TMEM131L: variants seen among roughly 807,000 people sequenced by gnomAD.
TMEM131L encodes the protein transmembrane 131 like.
A neutral mutation model predicts 192.2 loss-of-function variants in TMEM131L; 54 were observed. The observed-to-expected ratio is 0.28, with a 90% CI of 0.23 to 0.35. The LOEUF (loss-of-function observed/expected upper bound fraction) is 0.35. Ranked by LOEUF, TMEM131L falls within the 10% of genes least tolerant of loss-of-function variation. The pLI, the probability that TMEM131L is intolerant of heterozygous loss-of-function variation, is 1.00. For synonymous variants in TMEM131L, 701 were observed against 704.9 expected (o/e 0.99, Z 0.09); for missense variants, 1,888 against 1,972.9 (o/e 0.96, Z 0.82).
chr4:153,574,267 A>G (rs990918430), intron 7 of TMEM131L, among the ~76,000 whole-genome samples: 5 of 152,224 alleles, frequency 3.3e-5, no homozygotes, highest in Admixed American at 3.3e-4. Context: ...GTCTGGCAGT[A>G]TAGTTAGATT....
At chr4:153,558,156 A>G (rs1425253400) in intron 6 of TMEM131L, 102 bp from the exon 7 acceptor site, 2 of 585,446 alleles carry the variant, frequency 3.4e-6, no homozygotes, top group Non-Finnish European at 3.2e-6. Context: ...CTTGAAGGCC[A>G]TGCTGATGAA....
chr4:153,597,306 C>T (rs567414711), intron 20 of TMEM131L, among the ~76,000 whole-genome samples: 7 of 149,392 alleles, frequency 4.7e-5, no homozygotes, highest in East Asian at 1.9e-4. Flanking sequence ...TCATTTAAAC[C>T]GACTCTTCTT....
intron 5 of TMEM131L, among the ~76,000 whole-genome samples, chr4:153,556,499 G>A (rs1252538454): frequency 7.5e-6 from 1 of 133,906 alleles, no homozygotes; most frequent in Non-Finnish European, 1.5e-5. Flanking sequence ...ATGTCTGCCT[G>A]ATATTATGTA....
intron 3 of TMEM131L, among the ~76,000 whole-genome samples, chr4:153,502,405 A>G (rs997200539): frequency 2.0e-5 from 3 of 152,186 alleles, no homozygotes; most frequent in Admixed American, 1.3e-4. Context: ...GGCAGCTAGC[A>G]TTCTCTTTGT....
At chr4:153,512,939 T>A (rs1734460097) in intron 3 of TMEM131L, among the ~76,000 whole-genome samples, 1 of 152,246 alleles carries the variant, frequency 6.6e-6, no homozygotes, top group Admixed American at 6.5e-5. Context: ...TTATTTTACA[T>A]GTGCAGGCTA....
intron 7 of TMEM131L, among the ~76,000 whole-genome samples, chr4:153,576,262 A>G (rs927755282): frequency 2.6e-5 from 4 of 152,100 alleles, no homozygotes; most frequent in African/African-American, 7.2e-5. Flanking sequence ...GCCCGGCCCA[A>G]TTGTTTTGTT....
At chr4:153,538,421 G>T (rs1187596490) in intron 3 of TMEM131L, among the ~76,000 whole-genome samples, 1 of 152,168 alleles carries the variant, frequency 6.6e-6, no homozygotes, top group Non-Finnish European at 1.5e-5. Flanking sequence ...GCCACCCTAG[G>T]CCCCCACCAG....
intron 25 of TMEM131L, among the ~76,000 whole-genome samples, chr4:153,605,230 A>G (rs528936269): frequency 6.6e-6 from 1 of 152,270 alleles, no homozygotes; most frequent in African/African-American, 2.4e-5. Flanking sequence ...GACTAGGAGG[A>G]TGACCTCCAT....
intron 7 of TMEM131L, among the ~76,000 whole-genome samples, chr4:153,562,224 G>C (rs931077554): frequency 2.0e-5 from 3 of 151,960 alleles, no homozygotes; most frequent in Non-Finnish European, 4.4e-5. Flanking sequence ...TTTTAGTAGA[G>C]ACAGGGTTTC....
intron 3 of TMEM131L, among the ~76,000 whole-genome samples, chr4:153,501,751 A>G (rs1469008394): frequency 6.6e-6 from 1 of 151,980 alleles, no homozygotes; most frequent in Non-Finnish European, 1.5e-5. Context: ...TATCTGAGAG[A>G]GCAGAGGGCA....
rs143174329 is a variant in TMEM131L at position 153,548,210 on chromosome 4, C to T, written c.240-1863C>T. ...GGCCTTTTAGGGTTTGAGTAAATAG[C>T]ATACCTCTTCTCCGACCGTGTTCAA... On this transcript the variant is annotated intron_variant, in intron 3 of 34. Coordinates refer to ENST00000409959, the MANE Select transcript of TMEM131L (RefSeq NM_001131007.2). Among the ~76,000 whole-genome samples, 5 of 152,358 alleles carry T rather than the reference C, an allele frequency of 3.3e-5. No individual in the cohort carries two copies. The East Asian group carries it at 7.7e-4, about 23-fold the overall frequency.
At chr4:153,578,910 G>A (rs866104561) in intron 7 of TMEM131L, among the ~76,000 whole-genome samples, 2 of 151,762 alleles carry the variant, frequency 1.3e-5, no homozygotes, top group African/African-American at 2.4e-5. Context: ...CACCCACCTC[G>A]GCCTCCCAAA....
In TMEM131L at chr4:153,604,379, T is replaced by G; in HGVS notation, c.3367T>G (p.Ser1123Ala). ...ACCTGAAAACCATTTACCAAGAAAC[T>G]CACCTCAGTACCACCAGCCAGACTT... ...KLPENHLPRNSPQYHQPDLPE... is the reference protein window; with the variant it reads ...KLPENHLPRNAPQYHQPDLPE... Residue 1123 changes from serine (S) to alanine (A), a missense_variant, in exon 25 of 35, where the codon TCA becomes GCA. Coordinates refer to ENST00000409959, the MANE Select transcript of TMEM131L (RefSeq NM_001131007.2). The G allele has an allele frequency of 6.2e-7, 1 of 1,612,972 alleles. No individual in the cohort carries two copies. The highest frequency in any genetic ancestry group is 1.1e-5 in the South Asian group (1 of 90,798).
Position 153,536,878 on chromosome 4 carries a change from G to A in TMEM131L, c.240-13195G>A, listed in dbSNP as rs138721932. Among the ~76,000 whole-genome samples the A allele has an allele frequency of 2.6e-5, 4 of 152,316 alleles. No homozygotes were observed. In the East Asian group the frequency reaches 5.8e-4, roughly 22 times the overall value. On this transcript the variant is annotated intron_variant, in intron 3 of 34. Transcript: ENST00000409959. ...AAGCTGAAGAACTTGGGAGTCTGAT[G>A]TTCCAGGGCAGGAAGCATCCAGCAC...
At chr4:153,585,720 G>T in intron 13 of TMEM131L, 109 bp downstream of exon 13, 1 of 637,934 alleles carries the variant, frequency 1.6e-6, no homozygotes, top group Non-Finnish European at 2.3e-6. Flanking sequence ...CAAATGCTAT[G>T]AAGTTATTAT....
intron 3 of TMEM131L, among the ~76,000 whole-genome samples, chr4:153,476,250 C>T (rs960959431): frequency 1.3e-5 from 2 of 152,070 alleles, no homozygotes; most frequent in African/African-American, 4.8e-5. Flanking sequence ...TGAGCCACCA[C>T]GCCTGGCCTG....
chr4:153,570,934 C>T (rs1272984563), intron 7 of TMEM131L, among the ~76,000 whole-genome samples: 1 of 152,174 alleles, frequency 6.6e-6, no homozygotes, highest in Non-Finnish European at 1.5e-5. Context: ...TGTTAGTCGG[C>T]TGTTCCCCCA....
In TMEM131L at chr4:153,602,615, C is replaced by T. The variant is rs191244971; in HGVS notation, c.2527C>T (p.Arg843Cys). ...SLVTAADLEF[R>C]FTLNVTLPHH... Reference sequence around the variant, plus strand: ...TGTAACCGCAGCGGACCTAGAATTTCGCTTCACTCTCAATGTGACTCTCCC... The same window carrying T: ...TGTAACCGCAGCGGACCTAGAATTTTGCTTCACTCTCAATGTGACTCTCCC... The change falls in exon 23 of 35, where the codon CGC becomes TGC. Residue 843 changes from arginine to cysteine, a missense_variant. Transcript: ENST00000409959. The T allele has an allele frequency of 5.0e-6, 8 of 1,613,908 alleles. No homozygotes were observed. The highest frequency in any genetic ancestry group is 1.7e-5 in the Admixed American group (1 of 59,980).
At chr4:153,486,118 A>G (rs1732314090) in intron 3 of TMEM131L, among the ~76,000 whole-genome samples, 1 of 152,178 alleles carries the variant, frequency 6.6e-6, no homozygotes, top group Admixed American at 6.5e-5. Flanking sequence ...ATACTTTCTT[A>G]GGCCCTAGTA....
Sources: allele counts gnomAD v4.1 joint callset (sites outside exome capture counted in the v4.1 genomes callset), GRCh38; gene constraint gnomAD v4.1.1; transcripts MANE v1.5; gene names NCBI Gene and HGNC (gene_info 2026-07-23, HGNC 2026-07-21).